Variants in ZSCAN25 observed in about 807,000 individuals in gnomAD.
ZSCAN25 encodes the protein zinc finger and SCAN domain containing 25.
A neutral mutation model predicts 38.7 loss-of-function variants in ZSCAN25; 27 were observed. The observed-to-expected ratio is 0.70, with a 90% confidence interval of 0.51 to 0.96. ZSCAN25 has a LOEUF of 0.96. ZSCAN25 is among the 40% of genes least tolerant of loss of function. The pLI is 0.00. For synonymous variants in ZSCAN25, 273 were observed against 277.7 expected, an observed-to-expected ratio of 0.98 and a Z score of 0.17; for missense variants, 637 against 705.9, an observed-to-expected ratio of 0.90 and a Z score of 1.11.
downstream of ZSCAN25, chr7:99,632,437 G>A (rs147877020): frequency 2.2e-3 from 553 of 253,460 alleles, 4 homozygotes; most frequent in African/African-American, 0.012. Flanking sequence ...CTTCCTCCCC[G>A]TCTTCCTCCC....
the ZSCAN25 span, among the ~76,000 whole-genome samples, chr7:99,703,658 G>A: frequency 2.6e-5 from 4 of 152,008 alleles, no homozygotes; most frequent in Non-Finnish European, 4.4e-5. Flanking sequence ...CCATGACTCC[G>A]TTCTTCAAAG....
downstream of ZSCAN25, among the ~76,000 whole-genome samples, chr7:99,635,903 C>G (rs182113656): frequency 5.5e-3 from 836 of 151,964 alleles, 2 homozygotes; most frequent in Non-Finnish European, 9.0e-3. Flanking sequence ...AAAAATTAGC[C>G]GGGCGTGGTG....
At chr7:99,678,049 C>G in the ZSCAN25 span, among the ~76,000 whole-genome samples, 2 of 152,244 alleles carry the variant, frequency 1.3e-5, no homozygotes, top group Non-Finnish European at 2.9e-5. Flanking sequence ...AGCCAGTCAT[C>G]TATTGCATGT....
chr7:99,642,975 TAGG>T, the ZSCAN25 span, among the ~76,000 whole-genome samples: 1 of 152,306 alleles, frequency 6.6e-6, no homozygotes, highest in African/African-American at 2.4e-5. Flanking sequence ...AAGGACCACA[TAGG>T]AGATATTATT....
the ZSCAN25 span, among the ~76,000 whole-genome samples, chr7:99,651,492 CAT>C: frequency 6.6e-6 from 1 of 152,060 alleles, no homozygotes; most frequent in South Asian, 2.1e-4. Context: ...TTGCAGGAAA[CAT>C]AGAAGTCCTC....
the ZSCAN25 span, chr7:99,715,353 G>A: frequency 4.1e-6 from 1 of 245,198 alleles, no homozygotes; most frequent in South Asian, 5.5e-5. Flanking sequence ...CCACAACACA[G>A]TAAACGGAGA....
chr7:99,673,601 A>C, the ZSCAN25 span, among the ~76,000 whole-genome samples: 2 of 152,256 alleles, frequency 1.3e-5, no homozygotes, highest in African/African-American at 2.4e-5. Flanking sequence ...AAAGTGGAGC[A>C]TAAGTGGTTT....
the ZSCAN25 span, among the ~76,000 whole-genome samples, chr7:99,661,574 A>G: frequency 4.6e-5 from 7 of 152,332 alleles, no homozygotes; most frequent in African/African-American, 9.6e-5. Context: ...GTCCATCACT[A>G]GTCTGTTTGG....
rs535657643 is a variant in ZSCAN25, at chr7:99,629,111, A to G, written c.806-80A>G. On this transcript the variant is annotated intron_variant, in intron 7 of 7. Transcript: ENST00000394152. The surrounding 1 kb of genome is among the most constrained non-coding windows in gnomAD (Gnocchi z 5.6). ...AAAAAGAGAAGGAACCATGAATGGGACCCCTGTGAAGCAGAGTTCTAACAT... is the reference window on the plus strand; with the variant it reads ...AAAAAGAGAAGGAACCATGAATGGGGCCCCTGTGAAGCAGAGTTCTAACAT... 4 of 1,502,650 alleles carry G rather than the reference A, an allele frequency of 2.7e-6. No homozygotes were observed. The highest frequency in any genetic ancestry group is 2.3e-5 in the Admixed American group (1 of 43,014). 93.1% of individuals were successfully genotyped at this position (1,502,650 alleles called of 1,614,324 possible).
the ZSCAN25 span, chr7:99,652,308 C>T: frequency 3.3e-5 from 10 of 302,612 alleles, no homozygotes; most frequent in African/African-American, 2.2e-5. Context: ...TCTATATAGG[C>T]GTAGAAAAAT....
downstream of ZSCAN25, among the ~76,000 whole-genome samples, chr7:99,636,324 C>G (rs539347306): frequency 6.6e-6 from 1 of 152,142 alleles, no homozygotes. Flanking sequence ...CTGAGAACTT[C>G]GTACTTTAGT....
At chr7:99,684,169 A>C in the ZSCAN25 span, among the ~76,000 whole-genome samples, 1 of 137,082 alleles carries the variant, frequency 7.3e-6, no homozygotes, top group Non-Finnish European at 1.6e-5. Flanking sequence ...AAAAGGCATA[A>C]TTTTTTTTTT....
chr7:99,721,432 C>T, the ZSCAN25 span, among the ~76,000 whole-genome samples: 19 of 151,950 alleles, frequency 1.3e-4, no homozygotes, highest in African/African-American at 2.4e-4. Flanking sequence ...GAAAGTGAAT[C>T]GATGTGGGAA....
chr7:99,654,470 C>T, the ZSCAN25 span, among the ~76,000 whole-genome samples: 4 of 152,136 alleles, frequency 2.6e-5, no homozygotes, highest in South Asian at 2.1e-4. Context: ...TTTTCTTAAT[C>T]CAGTCTATCA....
chr7:99,682,576 T>G, the ZSCAN25 span, among the ~76,000 whole-genome samples: 1 of 152,192 alleles, frequency 6.6e-6, no homozygotes, highest in Non-Finnish European at 1.5e-5. Context: ...CCAGTTTTGT[T>G]CTTTTTGCTG....
At chr7:99,727,131 G>A in the ZSCAN25 span, among the ~76,000 whole-genome samples, 1 of 152,108 alleles carries the variant, frequency 6.6e-6, no homozygotes, top group African/African-American at 2.4e-5. Flanking sequence ...TCCCATACTA[G>A]CTCTTCCTGA....
the ZSCAN25 span, among the ~76,000 whole-genome samples, chr7:99,637,547 G>A: frequency 7.2e-5 from 11 of 152,194 alleles, no homozygotes; most frequent in African/African-American, 2.2e-4. Flanking sequence ...CGTGCATGAT[G>A]TATGTTTCAG....
At chr7:99,621,744 T>C in intron 5 of ZSCAN25, 170 bp downstream of exon 5, 1 of 477,954 alleles carries the variant, frequency 2.1e-6, no homozygotes, top group East Asian at 3.5e-5. Context: ...AAATTGTTTC[T>C]TCTCCCTTTA....
chr7:99,730,884 G>A, the ZSCAN25 span: 2 of 772,534 alleles, frequency 2.6e-6, no homozygotes, highest in African/African-American at 1.8e-5. Flanking sequence ...AGGTTCCTGA[G>A]AGTTAGCAAG....
Sources: allele counts gnomAD v4.1 joint callset (sites outside exome capture counted in the v4.1 genomes callset), GRCh38; gene constraint gnomAD v4.1.1; non-coding constraint Gnocchi (gnomAD v3.1); transcripts MANE v1.5; gene names NCBI Gene and HGNC (gene_info 2026-07-23, HGNC 2026-07-21).